The following IPO7 variants were observed in gnomAD, a reference collection of about 807,000 sequenced individuals.
IPO7 encodes the protein importin 7.
IPO7 carries 13 observed loss-of-function variants against 136.4 expected under a neutral mutation model. The ratio of observed to expected loss-of-function variants is 0.10; its 90% confidence interval spans 0.06 to 0.15. IPO7 has a LOEUF of 0.15. Among genes scored for constraint, IPO7 ranks in the 10% least tolerant of loss-of-function variants. The pLI is 1.00. For missense variants in IPO7, 857 were observed against 1,240.6 expected (o/e 0.69, Z 4.65); for synonymous variants, 403 against 404.4 (o/e 1.00, Z 0.04).
At chr11:9,419,538 C>A (rs1159462697) in intron 6 of IPO7, among the ~76,000 whole-genome samples, 9 of 103,248 alleles carry the variant, frequency 8.7e-5, no homozygotes, top group Admixed American at 4.4e-4. Context: ...CAGAGTGAGA[C>A]TCTGTCTAAA....
At position 9,437,364 on chromosome 11, in the gene IPO7, C is replaced by T. The variant is rs374904710; in HGVS notation, c.2269-390C>T. On this transcript the variant is annotated intron_variant, in intron 20 of 24. Transcript: ENST00000379719. ...CTGCCTCCCAGGTTCACGCCATTCT[C>T]CTTCCTCAGCCTCCCAAGTAGCTGG... is the stretch of plus-strand genomic sequence containing the variant. 1.8e-3 allele frequency among the ~76,000 whole-genome samples: 275 copies of T among 152,052 alleles called. 1 individual carries two copies. The highest frequency in any genetic ancestry group is 6.4e-3 in the African/African-American group (267 of 41,494).
chr11:9,416,986 T>C, intron 5 of IPO7, 73 bp from the exon 6 acceptor site: 2 of 699,752 alleles, frequency 2.9e-6, no homozygotes, highest in South Asian at 1.9e-5. Context: ...TTGGTAGGTA[T>C]TGTGAAGAGT....
rs1465591269 is a variant in IPO7, at chr11:9,446,324, C to G, written c.*1130C>G. On this transcript the variant is annotated 3_prime_UTR_variant, in exon 25 of 25. Coordinates refer to ENST00000379719, the MANE Select transcript of IPO7 (RefSeq NM_006391.3). ...GTGCCTAGAAGGAGTACAAAATGCA[C>G]ACTTTACAAAATTGATATTTAACAC... 1 of 152,134 alleles carries G rather than the reference C, an allele frequency of 6.6e-6. No individual in the cohort carries two copies. Among genetic ancestry groups the G allele is most frequent in the Admixed American group, 6.5e-5 (1 of 15,274 alleles). The allele number at this position is 152,134 out of a possible 1,614,324, so 9.4% of individuals were successfully genotyped here.
chr11:9,416,386 T>A (rs73406208), intron 5 of IPO7, among the ~76,000 whole-genome samples: 1,758 of 152,336 alleles, frequency 0.012, 42 homozygotes, highest in African/African-American at 0.04. Flanking sequence ...CTTTTCAATA[T>A]TTTTTCTAAC....
chr11:9,399,408 G>T (rs1047046140), intron 1 of IPO7, among the ~76,000 whole-genome samples: 1 of 152,100 alleles, frequency 6.6e-6, no homozygotes, highest in Non-Finnish European at 1.5e-5. Flanking sequence ...TGATCCACCC[G>T]CCTCGGCCTC....
chr11:9,416,454 C>A (rs1453976176), intron 5 of IPO7, among the ~76,000 whole-genome samples: 1 of 152,146 alleles, frequency 6.6e-6, no homozygotes, highest in African/African-American at 2.4e-5. Context: ...TATCATAGGG[C>A]ATAGGGAATA....
In IPO7 at chr11:9,436,260, G is replaced by T. The variant is rs372619971; in HGVS notation, c.2173-11G>T. On this transcript the variant is annotated splice_polypyrimidine_tract_variant and intron_variant, in intron 19 of 24. Coordinates refer to ENST00000379719, the MANE Select transcript of IPO7 (RefSeq NM_006391.3). ...AAAGCCTTACTGCAATTTATATTCT[G>T]TTTTGATCAGGTTCTTACAGGAGTT... 7 of 1,595,180 alleles carry T rather than the reference G, an allele frequency of 4.4e-6. No homozygotes were observed. In the African/African-American group the frequency reaches 9.4e-5, roughly 21 times the overall value.
At chr11:9,428,889 A>T in intron 13 of IPO7, 142 bp from the exon 14 acceptor site, 1 of 822,922 alleles carries the variant, frequency 1.2e-6, no homozygotes, top group Non-Finnish European at 2.2e-6. Context: ...TTGGGATCAT[A>T]GTACTGGTCT....
At chr11:9,405,756 ATGAC>A (rs1342199944) in intron 2 of IPO7, among the ~76,000 whole-genome samples, 9 of 152,320 alleles carry the variant, frequency 5.9e-5, no homozygotes, top group African/African-American at 2.2e-4. Context: ...TTTTATGTAA[ATGAC>A]TGAACTCCCT....
At chr11:9,415,442 T>C (rs1364203960) in intron 5 of IPO7, among the ~76,000 whole-genome samples, 1 of 152,184 alleles carries the variant, frequency 6.6e-6, no homozygotes, top group African/African-American at 2.4e-5. Flanking sequence ...ATTCCTAAAC[T>C]TGTCGCAAAA....
chr11:9,416,563 AATTGGATAAC>A (rs1855045075), intron 5 of IPO7, among the ~76,000 whole-genome samples: 1 of 152,188 alleles, frequency 6.6e-6, no homozygotes, highest in Non-Finnish European at 1.5e-5. Flanking sequence ...TAAAATCCCA[AATTGGATAAC>A]TTTTTTATTG....
At chr11:9,421,887 T>C (rs1590442358) in intron 8 of IPO7, among the ~76,000 whole-genome samples, 1 of 152,002 alleles carries the variant, frequency 6.6e-6, no homozygotes, top group South Asian at 2.1e-4. Context: ...CAGCTTGCGG[T>C]GCGCAGAGAT....
intron 23 of IPO7, among the ~76,000 whole-genome samples, chr11:9,440,946 C>T (rs370264304): frequency 6.6e-6 from 1 of 152,192 alleles, no homozygotes; most frequent in South Asian, 2.1e-4. Context: ...TTCCCAATCT[C>T]CCAGCTTTCC....
intron 1 of IPO7, chr11:9,402,936 G>A (rs937607930): frequency 8.4e-6 from 2 of 237,540 alleles, no homozygotes; most frequent in Non-Finnish European, 8.1e-6. Flanking sequence ...CAGGAGAATC[G>A]CTTGAACCTG....
chr11:9,434,913 C>T (rs762493501), intron 18 of IPO7, 21 bp from the exon 19 acceptor site: 31 of 1,439,544 alleles, frequency 2.2e-5, no homozygotes, highest in African/African-American at 7.0e-5. Context: ...GATGTGTAAC[C>T]GATGTTTTTT....
chr11:9,438,805 A>T (rs1855420318), intron 22 of IPO7, among the ~76,000 whole-genome samples: 2 of 152,226 alleles, frequency 1.3e-5, no homozygotes, highest in African/African-American at 4.8e-5. Context: ...TATGCAACCA[A>T]CAAAGATTTG....
intron 4 of IPO7, 24 bp downstream of exon 4, chr11:9,410,110 TA>T (rs749554093): frequency 1.9e-5 from 28 of 1,485,740 alleles, no homozygotes; most frequent in Non-Finnish European, 2.5e-5. Flanking sequence ...TCAACTCCTA[TA>T]GAGCTTTGAG....
chr11:9,392,306 T>C (rs1854647011), intron 1 of IPO7: 1 of 320,396 alleles, frequency 3.1e-6, no homozygotes. Context: ...GCCTCTTGAG[T>C]AGCTGGGATT....
intron 8 of IPO7, among the ~76,000 whole-genome samples, chr11:9,421,874 G>C (rs543254934): frequency 6.6e-6 from 1 of 151,846 alleles, no homozygotes; most frequent in African/African-American, 2.4e-5. Flanking sequence ...AACCTGGGGG[G>C]TGCAGCTTGC....
Sources: gnomAD v4.1 joint callset for allele counts (sites outside exome capture counted in the v4.1 genomes callset) on GRCh38, gnomAD v4.1.1 for gene constraint, MANE v1.5 for transcripts, NCBI Gene and HGNC (gene_info 2026-07-23, HGNC 2026-07-21) for gene names.